Variants in KALRN observed in about 807,000 individuals in gnomAD.
KALRN encodes the protein kalirin.
KALRN carries 70 observed loss-of-function variants against 353.7 expected under a neutral mutation model. The observed-to-expected ratio is 0.20, with a 90% confidence interval of 0.16 to 0.24. The LOEUF is 0.24. KALRN is among the 10% of genes least tolerant of loss of function. The probability of loss-of-function intolerance (pLI) is 1.00; values close to 1 mark genes in which losing one functional copy is unlikely to be tolerated. For synonymous variants in KALRN, 1,391 were observed against 1,434.8 expected, an observed-to-expected ratio of 0.97 and a Z score of 0.69; for missense variants, 2,791 against 3,756.7, an observed-to-expected ratio of 0.74 and a Z score of 6.72.
At chr3:124,589,465 C>T (rs2075553242) in intron 34 of KALRN, among the ~76,000 whole-genome samples, 1 of 152,148 alleles carries the variant, frequency 6.6e-6, no homozygotes, top group Non-Finnish European at 1.5e-5. Context: ...TAGTGACATG[C>T]ACCTGTAGTC....
At chr3:124,528,536 C>T (rs1450474467) in intron 33 of KALRN, among the ~76,000 whole-genome samples, 5 of 152,148 alleles carry the variant, frequency 3.3e-5, no homozygotes, top group Admixed American at 6.5e-5. Context: ...CCAACTGCCT[C>T]AGTGTGCCCT....
intron 1 of KALRN, among the ~76,000 whole-genome samples, chr3:124,054,578 A>G (rs960130857): frequency 1.3e-5 from 2 of 152,040 alleles, no homozygotes; most frequent in African/African-American, 4.8e-5. Context: ...GGTAGCCCCT[A>G]TCTTCATGGT....
chr3:124,706,416 T>C lies in KALRN; in HGVS notation c.8075+4300T>C, dbSNP rs189337702. Among the ~76,000 whole-genome samples, 455 of 152,330 alleles carry C rather than the reference T, an allele frequency of 3.0e-3. 1 individual carries two copies. Among genetic ancestry groups the C allele is most frequent in the Non-Finnish European group, 4.7e-3 (319 of 68,020 alleles). ...CCTCTAGGCAGAAAGCAGAGGGCTC[T>C]TTCTCTGGGAACTCTAACCAGCCCA... On this transcript the variant is annotated intron_variant, in intron 57 of 59. Transcript: ENST00000682506.
intron 1 of KALRN, among the ~76,000 whole-genome samples, chr3:124,195,592 G>T (rs1468181275): frequency 6.6e-6 from 1 of 152,110 alleles, no homozygotes; most frequent in East Asian, 1.9e-4. Context: ...CCTAAAAGGG[G>T]AAGGTCTTGA....
At chr3:124,189,596 C>T (rs1212207323) in intron 1 of KALRN, among the ~76,000 whole-genome samples, 4 of 151,596 alleles carry the variant, frequency 2.6e-5, no homozygotes, top group African/African-American at 4.8e-5. Context: ...TGAGGTCAGG[C>T]GTTCAAGACC....
chr3:124,225,888 T>C (rs1230903090), intron 1 of KALRN, among the ~76,000 whole-genome samples: 1 of 152,246 alleles, frequency 6.6e-6, no homozygotes. Flanking sequence ...ACTCTTTTTG[T>C]ATAGTAAATC....
intron 10 of KALRN, among the ~76,000 whole-genome samples, chr3:124,355,818 C>T (rs918073904): frequency 6.8e-6 from 1 of 147,344 alleles, no homozygotes; most frequent in African/African-American, 2.5e-5. Context: ...CAGATTCAAG[C>T]GATTCTCCTG....
At chr3:124,258,396 C>T (rs1252150888) in intron 3 of KALRN, among the ~76,000 whole-genome samples, 1 of 152,242 alleles carries the variant, frequency 6.6e-6, no homozygotes, top group Non-Finnish European at 1.5e-5. Flanking sequence ...GCATTTGACA[C>T]TGTGGTTCCT....
At chr3:124,286,091 CT>C (rs2075829019) in intron 5 of KALRN, among the ~76,000 whole-genome samples, 1 of 136,192 alleles carries the variant, frequency 7.3e-6, no homozygotes, top group Admixed American at 7.5e-5. Flanking sequence ...TCCTTTCTTT[CT>C]TTCTTTCTTT....
At chr3:124,585,781 G>T (rs779572639) in intron 34 of KALRN, among the ~76,000 whole-genome samples, 3 of 152,154 alleles carry the variant, frequency 2.0e-5, no homozygotes, top group Non-Finnish European at 2.9e-5. Flanking sequence ...CCCCCTACTT[G>T]ACATTTGCCC....
intron 1 of KALRN, among the ~76,000 whole-genome samples, chr3:124,145,180 C>T (rs914528356): frequency 6.6e-6 from 1 of 152,182 alleles, no homozygotes; most frequent in Non-Finnish European, 1.5e-5. Flanking sequence ...GCCATGTTCG[C>T]ATTTGCTCCA....
At chr3:124,201,259 A>G (rs1238819677) in intron 1 of KALRN, among the ~76,000 whole-genome samples, 2 of 152,228 alleles carry the variant, frequency 1.3e-5, no homozygotes, top group Admixed American at 1.3e-4. Flanking sequence ...ATTATGGTAG[A>G]GCTTTCCGTG....
At chr3:124,125,419 G>A (rs1403692733) in intron 1 of KALRN, among the ~76,000 whole-genome samples, 1 of 152,206 alleles carries the variant, frequency 6.6e-6, no homozygotes, top group Non-Finnish European at 1.5e-5. Context: ...GATGACAGGA[G>A]AGTTTGAAGG....
chr3:124,228,116 G>A lies in KALRN; in HGVS notation c.148+52G>A, dbSNP rs2293640. ...TAAAGGACCTAGAGAAGTTGTGTGT[G>A]TGCACATGTGTTCAGATTCACTTGT... On this transcript the variant is annotated intron_variant, in intron 2 of 59. Transcript: ENST00000682506. 50,985 of 1,376,918 alleles carry A rather than the reference G, an allele frequency of 0.037. 7,166 individuals carry two copies. The East Asian group carries it at 0.49, about 13-fold the overall frequency. 85.3% of individuals were successfully genotyped at this position (1,376,918 alleles called of 1,614,324 possible).
rs141092757 is a variant in KALRN at position 124,255,610 on chromosome 3, G to T, written c.264-8888G>T. ...TTGAAGCCGTATGAATCTCTGTAAG[G>T]CTCTAGAAATTGGTCAACCAGAGCC... On this transcript the variant is annotated intron_variant, in intron 3 of 59. Coordinates refer to ENST00000682506, the MANE Select transcript of KALRN (RefSeq NM_001388419.1). Among the ~76,000 whole-genome samples the T allele has an allele frequency of 9.9e-4, 150 of 152,280 alleles. 2 individuals are homozygous for T. The highest frequency in any genetic ancestry group is 3.5e-3 in the African/African-American group (145 of 41,548).
chr3:124,646,227 T>A (rs927616221), intron 37 of KALRN, among the ~76,000 whole-genome samples: 1 of 152,076 alleles, frequency 6.6e-6, no homozygotes, highest in Non-Finnish European at 1.5e-5. Flanking sequence ...AGTCCTCCTG[T>A]ACACCAGGCT....
At chr3:124,702,697 A>G (rs1050792292) in intron 57 of KALRN, among the ~76,000 whole-genome samples, 7 of 152,132 alleles carry the variant, frequency 4.6e-5, no homozygotes, top group Non-Finnish European at 8.8e-5. Context: ...ATTGTTGGAT[A>G]TACATCTCTA....
intron 37 of KALRN, among the ~76,000 whole-genome samples, chr3:124,642,806 G>GTTTTTTTT (rs71145471): frequency 1.0e-5 from 1 of 96,840 alleles, no homozygotes; most frequent in African/African-American, 4.5e-5. Context: ...CCCAAGCCTC[G>GTTTTTTTT]TTTTTTTTTT....
chr3:124,395,485 C>T (rs539544587), intron 12 of KALRN, 142 bp downstream of exon 12: 17 of 617,792 alleles, frequency 2.8e-5, no homozygotes, highest in African/African-American at 2.0e-4. Flanking sequence ...GTAAAAATGC[C>T]TGCACCATAC....
Sources: gnomAD v4.1 joint callset for allele counts (sites outside exome capture counted in the v4.1 genomes callset) on GRCh38, gnomAD v4.1.1 for gene constraint, MANE v1.5 for transcripts, NCBI Gene and HGNC (gene_info 2026-07-23, HGNC 2026-07-21) for gene names.